The following ZDHHC11B variants were observed in gnomAD, a reference collection of about 807,000 sequenced individuals.
ZDHHC11B encodes the protein zDHHC palmitoyltransferase 11B (putative), also known as probable palmitoyltransferase ZDHHC11B.
A neutral mutation model predicts 42.3 loss-of-function variants in ZDHHC11B; 17 were observed. The ratio of observed to expected loss-of-function variants is 0.40; its 90% CI spans 0.27 to 0.60. The LOEUF (loss-of-function observed/expected upper bound fraction) is 0.60, where lower values mean the gene tolerates loss of function less well. Among genes scored for constraint, ZDHHC11B ranks in the 20% least tolerant of loss-of-function variants. ZDHHC11B has a pLI of 0.41. For synonymous variants in ZDHHC11B, 123 were observed against 193.5 expected (o/e 0.64, Z 3.02); for missense variants, 262 against 463.2 (o/e 0.57, Z 3.99).
intron 1 of ZDHHC11B, among the ~76,000 whole-genome samples, chr5:783,268 GAGGCGCTGGCACCGAGCGGCTGAC>G: frequency 6.6e-6 from 1 of 152,264 alleles, no homozygotes. Flanking sequence ...ACGTGGTGGG[GAGGCGCTGGCACCGAGCGGCTGAC>G]AGGCGCGAGA....
At position 766,972 on chromosome 5, in the gene ZDHHC11B, C is replaced by G. The variant is rs779198020; in HGVS notation, c.1-53G>C. On this transcript the variant is annotated intron_variant, in intron 3 of 13. Transcript: ENST00000508859. ...CGCCATCAGCTCCGGGGAGGGCCGG[C>G]CCCACCCACTGTCAGGGAGACCACG... 1.1e-5 allele frequency: 17 copies of G among 1,579,546 alleles called. 1 individual carries two copies. Among genetic ancestry groups the G allele is most frequent in the Non-Finnish European group, 1.5e-5 (17 of 1,156,060 alleles).
intron 12 of ZDHHC11B, among the ~76,000 whole-genome samples, chr5:729,074 C>T (rs62332089): frequency 0.12 from 17,938 of 144,220 alleles, 1,509 homozygotes; most frequent in Non-Finnish European, 0.18. Flanking sequence ...ATGAGGCCAG[C>T]TGGGTGCACT....
chr5:772,799 G>A (rs1376182768), intron 1 of ZDHHC11B, among the ~76,000 whole-genome samples: 3 of 151,778 alleles, frequency 2.0e-5, no homozygotes, highest in African/African-American at 4.8e-5. Flanking sequence ...TCCAAAGCCC[G>A]CCTCTGCGTG....
chr5:776,682 G>A (rs1415138657), intron 1 of ZDHHC11B, among the ~76,000 whole-genome samples: 2 of 151,942 alleles, frequency 1.3e-5, no homozygotes, highest in Non-Finnish European at 1.5e-5. Flanking sequence ...AGTGGACAGA[G>A]CCCCTGTGGA....
intron 12 of ZDHHC11B, among the ~76,000 whole-genome samples, chr5:719,736 A>G (rs11743173): frequency 0.031 from 4,732 of 151,406 alleles, 143 homozygotes; most frequent in Non-Finnish European, 0.044. Flanking sequence ...AGAAGAGAAA[A>G]GGAAAGAGGC....
At position 753,422 on chromosome 5, in the gene ZDHHC11B, G is replaced by T. The variant is rs1746056099; in HGVS notation, c.503+1576C>A. On this transcript the variant is annotated intron_variant, in intron 6 of 13. Coordinates refer to ENST00000508859, the MANE Select transcript of ZDHHC11B (RefSeq NM_001351303.2). ...CCTGATGCCCCTTTCCCACACACAG[G>T]CGGTGTCTACACTTGGCACCCACGT... 1.5e-5 allele frequency among the ~76,000 whole-genome samples: 2 copies of T among 131,066 alleles called. 1 individual carries two copies. Among genetic ancestry groups the T allele is most frequent in the Non-Finnish European group, 3.4e-5 (2 of 58,636 alleles). 86.0% of individuals were successfully genotyped at this position (131,066 alleles called of 152,430 possible).
intron 1 of ZDHHC11B, among the ~76,000 whole-genome samples, chr5:777,771 G>A (rs895984368): frequency 5.3e-5 from 8 of 151,968 alleles, no homozygotes; most frequent in Non-Finnish European, 7.4e-5. Context: ...TTTCTCTATC[G>A]GATCCTGAGC....
chr5:731,167 C>A (rs1309942708), intron 11 of ZDHHC11B, among the ~76,000 whole-genome samples: 5 of 151,312 alleles, frequency 3.3e-5, no homozygotes, highest in African/African-American at 1.2e-4. Context: ...AATGTGGCAT[C>A]ATCTTTCATC....
At chr5:736,461 A>T (rs1170266060) in intron 10 of ZDHHC11B, among the ~76,000 whole-genome samples, 1 of 149,706 alleles carries the variant, frequency 6.7e-6, no homozygotes, top group African/African-American at 2.5e-5. Context: ...ATATCCTAGA[A>T]CAAAAGGACT....
intron 13 of ZDHHC11B, among the ~76,000 whole-genome samples, chr5:713,690 A>G (rs1328891019): frequency 5.3e-4 from 80 of 151,792 alleles, no homozygotes; most frequent in African/African-American, 1.4e-3. Flanking sequence ...ACACAAATTT[A>G]GGGAGAACCT....
intron 3 of ZDHHC11B, 154 bp downstream of exon 3, chr5:767,238 G>A (rs1453113555): frequency 3.1e-6 from 3 of 971,478 alleles, no homozygotes; most frequent in African/African-American, 3.2e-5. Context: ...AGACCTGGGT[G>A]GATGACTGAA....
intron 9 of ZDHHC11B, among the ~76,000 whole-genome samples, chr5:742,058 C>T (rs1744222203): frequency 7.7e-6 from 1 of 130,048 alleles, no homozygotes; most frequent in African/African-American, 2.8e-5. Flanking sequence ...TGATGTTGAG[C>T]ATTTTTTTCC....
chr5:720,506 C>T (rs1474401250), intron 12 of ZDHHC11B, among the ~76,000 whole-genome samples: 1 of 151,740 alleles, frequency 6.6e-6, no homozygotes, highest in African/African-American at 2.4e-5. Flanking sequence ...ATCAGTAGAA[C>T]TACCCTAAAA....
chr5:730,473 G>T lies in ZDHHC11B; in HGVS notation c.1024-5C>A, dbSNP rs780360187. The T allele has an allele frequency of 1.2e-5, 18 of 1,556,654 alleles. No individual in the cohort carries two copies. Among genetic ancestry groups the T allele is most frequent in the Non-Finnish European group, 5.2e-6 (6 of 1,161,402 alleles). On this transcript the variant is annotated splice_polypyrimidine_tract_variant and splice_region_variant and intron_variant, in intron 11 of 13. Coordinates refer to ENST00000508859, the MANE Select transcript of ZDHHC11B (RefSeq NM_001351303.2). ...ACTCGGGGCATCATCTGCTTCCTGTGGGGGGAAGGGAAGCAAAATTCTTAG... is the reference window on the plus strand; with the variant it reads ...ACTCGGGGCATCATCTGCTTCCTGTTGGGGGAAGGGAAGCAAAATTCTTAG...
chr5:777,448 T>C (rs1736607945), intron 1 of ZDHHC11B, among the ~76,000 whole-genome samples: 1 of 142,490 alleles, frequency 7.0e-6, no homozygotes, highest in African/African-American at 2.6e-5. Flanking sequence ...TGGTGAGTGC[T>C]ACAGCTCACA....
At chr5:772,589 G>A (rs1440481919) in intron 1 of ZDHHC11B, among the ~76,000 whole-genome samples, 7 of 151,236 alleles carry the variant, frequency 4.6e-5, no homozygotes, top group South Asian at 2.1e-4. Flanking sequence ...GGTGACAGCC[G>A]TCAACAGCCG....
chr5:716,902 C>T lies in ZDHHC11B; in HGVS notation c.1059-37G>A, dbSNP rs561454363. 61 of 1,612,100 alleles carry T rather than the reference C, an allele frequency of 3.8e-5. 1 individual carries two copies. The African/African-American group carries it at 3.9e-4, about 10-fold the overall frequency. On this transcript the variant is annotated intron_variant, in intron 12 of 13. Transcript: ENST00000508859. ...ATTCAGAAAGAGAGACAACAGAGAA[C>T]GTATGATGTAATACTTGTTATACTG...
At chr5:722,144 T>C (rs1389774238) in intron 12 of ZDHHC11B, among the ~76,000 whole-genome samples, 1 of 151,880 alleles carries the variant, frequency 6.6e-6, no homozygotes, top group Non-Finnish European at 1.5e-5. Context: ...CTTTTGGATA[T>C]TTTGGTGAAA....
intron 4 of ZDHHC11B, among the ~76,000 whole-genome samples, chr5:761,294 T>A (rs1169437504): frequency 6.6e-6 from 1 of 151,828 alleles, no homozygotes; most frequent in African/African-American, 2.4e-5. Flanking sequence ...TGGGCTTTAG[T>A]GACATCCTCA....
Sources: allele counts gnomAD v4.1 joint callset (sites outside exome capture counted in the v4.1 genomes callset), GRCh38; gene constraint gnomAD v4.1.1; transcripts MANE v1.5; gene names NCBI Gene and HGNC (gene_info 2026-07-23, HGNC 2026-07-21).